PCDHGA6: variants seen among roughly 807,000 people sequenced by gnomAD.
PCDHGA6 encodes protocadherin gamma-A6.
In PCDHGA6, 41 loss-of-function variants were observed where a neutral mutation model predicts 60.6. That is an observed-to-expected ratio of 0.68 (90% CI 0.53 to 0.88). The LOEUF is 0.88. Ranked by LOEUF, PCDHGA6 falls within the 40% of genes least tolerant of loss-of-function variation. The pLI is 0.00. For synonymous variants in PCDHGA6, 594 were observed against 524.4 expected, an observed-to-expected ratio of 1.13 and a Z score of -1.81; for missense variants, 1,312 against 1,203.0, an observed-to-expected ratio of 1.09 and a Z score of -1.34.
In PCDHGA6 at chr5:141,421,780, G is replaced by A. The variant is rs1259671007; in HGVS notation, c.2424+45273G>A. On this transcript the variant is annotated intron_variant, in intron 1 of 3. Coordinates refer to ENST00000517434, the MANE Select transcript of PCDHGA6 (RefSeq NM_018919.3). ...TAATTACTTTTCCTTGCAACTGCGGGGCAGAACGGATGGGGCCAAGAATCC... is the reference window on the plus strand; with the variant it reads ...TAATTACTTTTCCTTGCAACTGCGGAGCAGAACGGATGGGGCCAAGAATCC... The A allele has an allele frequency of 2.5e-6, 4 of 1,613,856 alleles. No homozygotes were observed. In the South Asian group the frequency reaches 4.4e-5, roughly 18 times the overall value.
chr5:141,389,928 C>G, intron 1 of PCDHGA6: 1 of 1,614,066 alleles, frequency 6.2e-7, no homozygotes, highest in Non-Finnish European at 8.5e-7. Flanking sequence ...CCCCTCTGAC[C>G]TCCAGGCTGA....
chr5:141,398,905 A>G lies in PCDHGA6; in HGVS notation c.2424+22398A>G, dbSNP rs200564636. ...TCGGGAAAACGTGCCACCAGGCACC[A>G]CTGTGTTGCAAGTGTCAGCCACTGA... On this transcript the variant is annotated intron_variant, in intron 1 of 3. Coordinates refer to ENST00000517434, the MANE Select transcript of PCDHGA6 (RefSeq NM_018919.3). 1.2e-3 allele frequency: 1,935 copies of G among 1,613,984 alleles called. 4 individuals carry two copies. Among genetic ancestry groups the G allele is most frequent in the Middle Eastern group, 3.5e-3 (21 of 6,062 alleles).
At chr5:141,500,295 G>A (rs911106966) in intron 2 of PCDHGA6, among the ~76,000 whole-genome samples, 2 of 151,282 alleles carry the variant, frequency 1.3e-5, no homozygotes, top group African/African-American at 4.9e-5. Flanking sequence ...TGCAAGCTCC[G>A]CCTCCCAGGT....
intron 2 of PCDHGA6, among the ~76,000 whole-genome samples, chr5:141,500,948 A>G (rs1055841985): frequency 1.8e-4 from 28 of 151,592 alleles, no homozygotes; most frequent in Non-Finnish European, 4.4e-5. Context: ...GGCTCACTGC[A>G]AGCTCCACCT....
intron 1 of PCDHGA6, chr5:141,395,894 C>G (rs768471284): frequency 1.3e-5 from 2 of 152,020 alleles, no homozygotes; most frequent in Non-Finnish European, 2.9e-5. Flanking sequence ...CACCTGGGCT[C>G]CATGCCCATG....
rs1340147578 is a variant in PCDHGA6, at chr5:141,487,141, T to C, written c.2425-7666T>C. On this transcript the variant is annotated intron_variant, in intron 1 of 3. Transcript: ENST00000517434. This position sits in a 1 kb window ranked among gnomAD's most constrained non-coding sequence, Gnocchi z 5.0. ...AGGATAGTGGTAGTCCACCACTCTCTACCTCTGTTACTCTCTTAGTGTCCT... is the reference window on the plus strand; with the variant it reads ...AGGATAGTGGTAGTCCACCACTCTCCACCTCTGTTACTCTCTTAGTGTCCT... The C allele has an allele frequency of 1.2e-6, 2 of 1,613,882 alleles. No individual in the cohort carries two copies. Among genetic ancestry groups the C allele is most frequent in the African/African-American group, 2.7e-5 (2 of 74,934 alleles).
rs200411745 is a variant in PCDHGA6, at chr5:141,490,281, C to T, written c.2425-4526C>T. The T allele has an allele frequency of 1.2e-6, 2 of 1,614,070 alleles. No homozygotes were observed. The highest frequency in any genetic ancestry group is 1.3e-5 in the African/African-American group (1 of 74,924). On this transcript the variant is annotated intron_variant, in intron 1 of 3. Transcript: ENST00000517434. This position sits in a 1 kb window ranked among gnomAD's most constrained non-coding sequence, Gnocchi z 5.4. The stretch of plus-strand genomic sequence containing the variant: ...ATGTGGGGGATGTCAATGACAATGC[C>T]CCAGAGGTGCTATTGGCCTCTTTGG...
chr5:141,420,525 C>T (rs895355117), intron 1 of PCDHGA6: 2 of 358,086 alleles, frequency 5.6e-6, no homozygotes, highest in South Asian at 2.1e-4. Flanking sequence ...AAATACCTTT[C>T]GGTTAAAAAT....
At chr5:141,404,096 G>C in intron 1 of PCDHGA6, 1 of 1,613,610 alleles carries the variant, frequency 6.2e-7, no homozygotes, top group Non-Finnish European at 8.5e-7. Flanking sequence ...GAATGGTCAA[G>C]TTGTCTGTTC....
intron 2 of PCDHGA6, among the ~76,000 whole-genome samples, chr5:141,505,122 A>G (rs2099843899): frequency 6.6e-6 from 1 of 152,194 alleles, no homozygotes; most frequent in Non-Finnish European, 1.5e-5. Context: ...AGATCGCGCC[A>G]CTGCACTCCA....
At chr5:141,416,998 CAAAT>C (rs2096073182) in intron 1 of PCDHGA6, 1 of 150,816 alleles carries the variant, frequency 6.6e-6, no homozygotes, top group South Asian at 2.1e-4. Flanking sequence ...GCATTCATCT[CAAAT>C]AATTCTATTA....
chr5:141,485,543 G>C lies in PCDHGA6; in HGVS notation c.2425-9264G>C. 1.9e-6 allele frequency: 3 copies of C among 1,614,092 alleles called. No homozygotes were observed. The highest frequency in any genetic ancestry group is 2.5e-6 in the Non-Finnish European group (3 of 1,179,972). On this transcript the variant is annotated intron_variant, in intron 1 of 3. Coordinates refer to ENST00000517434, the MANE Select transcript of PCDHGA6 (RefSeq NM_018919.3). This position sits in a 1 kb window ranked among gnomAD's most constrained non-coding sequence, Gnocchi z 5.7. Reference sequence around the variant, plus strand: ...AATGTACCGAGCAGAGGTAGAGATCGTAGATGTGAATGATCACGCCCCCCG... The same window carrying C: ...AATGTACCGAGCAGAGGTAGAGATCCTAGATGTGAATGATCACGCCCCCCG...
At chr5:141,404,859 A>G in intron 1 of PCDHGA6, 1 of 1,613,494 alleles carries the variant, frequency 6.2e-7, no homozygotes, top group South Asian at 1.1e-5. Flanking sequence ...CTAGATAGAG[A>G]TGCGCTCAAA....
At chr5:141,383,532 C>T (rs1249909520) in intron 1 of PCDHGA6, 4 of 1,612,320 alleles carry the variant, frequency 2.5e-6, no homozygotes, top group Non-Finnish European at 3.4e-6. Context: ...ACCACCTGGT[C>T]CTCACAGCCT....
intron 1 of PCDHGA6, chr5:141,399,416 C>T: frequency 6.2e-7 from 1 of 1,614,046 alleles, no homozygotes; most frequent in African/African-American, 1.3e-5. Context: ...CCCCTCTCCT[C>T]CAGCATAAGC....
intron 1 of PCDHGA6, chr5:141,402,809 C>A: frequency 4.9e-6 from 6 of 1,214,046 alleles, no homozygotes; most frequent in Non-Finnish European, 6.6e-6. Flanking sequence ...CCGGCAGATA[C>A]CACAAACCTG....
intron 1 of PCDHGA6, chr5:141,392,318 C>T (rs1213951508): frequency 6.6e-6 from 1 of 152,062 alleles, no homozygotes; most frequent in Non-Finnish European, 1.5e-5. Context: ...TTTTTTAAGA[C>T]CAAATGTATT....
intron 1 of PCDHGA6, among the ~76,000 whole-genome samples, chr5:141,439,595 G>A (rs752771969): frequency 3.9e-5 from 6 of 152,192 alleles, no homozygotes; most frequent in Non-Finnish European, 5.9e-5. Flanking sequence ...CTGTTGGCCA[G>A]TCTGGAAACA....
At chr5:141,402,912 G>T (rs373067478) in intron 1 of PCDHGA6, 319 of 1,553,994 alleles carry the variant, frequency 2.1e-4, no homozygotes, top group East Asian at 2.5e-4. Flanking sequence ...GAAGCAGCGC[G>T]CACAGAGATC....
Sources: gnomAD v4.1 joint callset for allele counts (sites outside exome capture counted in the v4.1 genomes callset) on GRCh38, gnomAD v4.1.1 for gene constraint, Gnocchi (gnomAD v3.1) non-coding constraint, MANE v1.5 for transcripts, NCBI Gene and HGNC (gene_info 2026-07-23, HGNC 2026-07-21) for gene names.